Variants in GDAP2 observed in about 807,000 individuals in gnomAD.
GDAP2 encodes ganglioside induced differentiation associated protein 2.
Under a neutral mutation model 67.0 loss-of-function variants are expected in GDAP2, and 51 were observed. The observed-to-expected ratio is 0.76, with a 90% confidence interval of 0.61 to 0.96. The LOEUF is 0.96. Ranked by LOEUF, GDAP2 falls within the 40% of genes least tolerant of loss-of-function variation. GDAP2 has a pLI of 0.00. For synonymous variants in GDAP2, 203 were observed against 207.3 expected (o/e 0.98, Z 0.18); for missense variants, 547 against 588.3 (o/e 0.93, Z 0.73).
chr1:117,878,818 G>C (rs1261445126), intron 12 of GDAP2, among the ~76,000 whole-genome samples: 1 of 152,124 alleles, frequency 6.6e-6, no homozygotes, highest in Admixed American at 6.5e-5. Flanking sequence ...GTAATGGCTT[G>C]AATTTAAAAA....
At chr1:117,887,250 A>G (rs944073291) in intron 9 of GDAP2, among the ~76,000 whole-genome samples, 8 of 152,118 alleles carry the variant, frequency 5.3e-5, no homozygotes, top group Non-Finnish European at 8.8e-5. Flanking sequence ...TTTTATAAAC[A>G]GCTTTTTGCT....
chr1:117,910,669 G>C (rs1649822196), intron 5 of GDAP2, among the ~76,000 whole-genome samples: 2 of 152,144 alleles, frequency 1.3e-5, no homozygotes, highest in Non-Finnish European at 2.9e-5. Flanking sequence ...AGATGATTTA[G>C]TATAGTTCGT....
Position 117,887,776 on chromosome 1 carries a change from T to A in GDAP2, c.954-2A>T. 2 of 1,500,932 alleles carry A rather than the reference T, an allele frequency of 1.3e-6. No individual in the cohort carries two copies. Among genetic ancestry groups the A allele is most frequent in the Non-Finnish European group, 1.9e-6 (2 of 1,078,590 alleles). The allele number at this position is 1,500,932 out of a possible 1,614,324, so 93.0% of individuals were successfully genotyped here. A position where few individuals can be genotyped will look rare whatever the true frequency, so the allele number is the denominator to read the frequency against. On this transcript the variant is annotated splice_acceptor_variant, in intron 8 of 13. Coordinates refer to ENST00000369443, the MANE Select transcript of GDAP2 (RefSeq NM_017686.4). LOFTEE classifies it high-confidence loss of function. ...GCTTGACATAACCAGCGATTATAAC[T>A]AGGGAAATAAATGATATAATCATTA... is the stretch of plus-strand genomic sequence containing the variant.
intron 8 of GDAP2, among the ~76,000 whole-genome samples, chr1:117,890,425 A>AT (rs1423418977): frequency 6.6e-6 from 1 of 152,000 alleles, no homozygotes; most frequent in African/African-American, 2.4e-5. Context: ...ATCTATATCT[A>AT]TATCTATCTA....
chr1:117,878,154 T>C lies in GDAP2; in HGVS notation c.1303-2A>G. On this transcript the variant is annotated splice_acceptor_variant, in intron 12 of 13. Transcript: ENST00000369443. LOFTEE classifies it high-confidence loss of function. ...GGTGGTAAAAAACCATGTTGACACC[T>C]GATTAATAGAAGAGAAAAAATAATT... 3 of 1,501,886 alleles carry C rather than the reference T, an allele frequency of 2.0e-6. No homozygotes were observed. Among genetic ancestry groups the C allele is most frequent in the Non-Finnish European group, 2.7e-6 (3 of 1,102,100 alleles). 93.0% of individuals were successfully genotyped at this position (1,501,886 alleles called of 1,614,324 possible). A position where few individuals can be genotyped will look rare whatever the true frequency, so the allele number is the denominator to read the frequency against.
chr1:117,901,489 C>T lies in GDAP2; in HGVS notation c.637-2273G>A, dbSNP rs376819252. Among the ~76,000 whole-genome samples, 42 of 152,274 alleles carry T rather than the reference C, an allele frequency of 2.8e-4. No homozygotes were observed. In the East Asian group the frequency reaches 3.7e-3, roughly 13 times the overall value. On this transcript the variant is annotated intron_variant, in intron 6 of 13. Coordinates refer to ENST00000369443, the MANE Select transcript of GDAP2 (RefSeq NM_017686.4). The stretch of plus-strand genomic sequence containing the variant: ...CCATTTTTACATTCCAATTAACTAT[C>T]TACGAGGGTTCCAATTTCTCCACAT...
In GDAP2 at chr1:117,918,663, G is replaced by T. The variant is rs1570994389; in HGVS notation, c.250C>A (p.Pro84Thr). 2.5e-6 allele frequency: 4 copies of T among 1,599,938 alleles called. No homozygotes were observed. The East Asian group carries it at 8.9e-5, about 36-fold the overall frequency. Reference protein sequence around the residue: ...TSNESLTDKNPVSESIFMLAG... With the variant: ...TSNESLTDKNTVSESIFMLAG... ...AGCATGAAGATACTTTCTGACACAG[G>T]ATTCTTATCTGTGAGACTTTCATTG... The change falls in exon 3 of 14, where the codon CCT (proline) becomes ACT (threonine). Residue 84 changes from proline to threonine, a missense_variant. Coordinates refer to ENST00000369443, the MANE Select transcript of GDAP2 (RefSeq NM_017686.4).
At chr1:117,886,813 G>A (rs990495470) in intron 9 of GDAP2, among the ~76,000 whole-genome samples, 160 bp from the exon 10 acceptor site, 8 of 116,780 alleles carry the variant, frequency 6.9e-5, no homozygotes, top group Non-Finnish European at 1.3e-4. Flanking sequence ...TTTCTACTCT[G>A]CAGACAACAC....
intron 5 of GDAP2, among the ~76,000 whole-genome samples, chr1:117,910,157 T>A (rs1475887100): frequency 6.6e-6 from 1 of 152,232 alleles, no homozygotes; most frequent in East Asian, 1.9e-4. Flanking sequence ...TAATGAATCA[T>A]CTAGTATAAC....
rs1648137248 is a variant in GDAP2 at position 117,868,114 on chromosome 1, T to C, written c.*2455A>G. The C allele has an allele frequency of 6.6e-6, 1 of 152,228 alleles. No individual in the cohort carries two copies. The highest frequency in any genetic ancestry group is 1.5e-5 in the Non-Finnish European group (1 of 68,046). 9.4% of individuals were successfully genotyped at this position (152,228 alleles called of 1,614,324 possible). ...CTCTAATATGTCCTTGAAAATGGCA[T>C]GTATTATTCAGGCTAAACCTTTTCA... On this transcript the variant is annotated 3_prime_UTR_variant, in exon 14 of 14. Coordinates refer to ENST00000369443, the MANE Select transcript of GDAP2 (RefSeq NM_017686.4).
At chr1:117,897,049 G>C (rs1056750485) in intron 7 of GDAP2, 60 bp from the exon 8 acceptor site, 8 of 1,214,958 alleles carry the variant, frequency 6.6e-6, no homozygotes, top group Non-Finnish European at 9.3e-6. Flanking sequence ...AGTAAACATT[G>C]TGAATGCTGC....
At chr1:117,876,317 T>C (rs80002960) in intron 13 of GDAP2, among the ~76,000 whole-genome samples, 2,076 of 152,222 alleles carry the variant, frequency 0.014, 37 homozygotes, top group South Asian at 0.094. Context: ...TCCCTGCACA[T>C]ACTGGTTTCC....
chr1:117,879,932 C>T (rs1648593516), intron 12 of GDAP2, among the ~76,000 whole-genome samples: 1 of 152,178 alleles, frequency 6.6e-6, no homozygotes, highest in African/African-American at 2.4e-5. Context: ...AATCCCAGCA[C>T]TTTGGGAGGC....
chr1:117,867,316 C>T lies in GDAP2; in HGVS notation c.*3253G>A, dbSNP rs1648104302. 2 of 152,024 alleles carry T rather than the reference C, an allele frequency of 1.3e-5. No homozygotes were observed. Among genetic ancestry groups the T allele is most frequent in the Admixed American group, 1.3e-4 (2 of 15,246 alleles). 9.4% of individuals were successfully genotyped at this position (152,024 alleles called of 1,614,324 possible). ...TTTCAGAAATTTGATTAAAAAACTA[C>T]ATCTATTTTTCCTACCAAAAATACT... On this transcript the variant is annotated 3_prime_UTR_variant, in exon 14 of 14. Coordinates refer to ENST00000369443, the MANE Select transcript of GDAP2 (RefSeq NM_017686.4).
Position 117,865,480 on chromosome 1 carries a change from C to T in GDAP2, c.*5089G>A, listed in dbSNP as rs764350941. 1 of 152,010 alleles carries T rather than the reference C, an allele frequency of 6.6e-6. No individual in the cohort carries two copies. Among genetic ancestry groups the T allele is most frequent in the Non-Finnish European group, 1.5e-5 (1 of 68,008 alleles). The allele number at this position is 152,010 out of a possible 1,614,324, so 9.4% of individuals were successfully genotyped here. On this transcript the variant is annotated 3_prime_UTR_variant, in exon 14 of 14. Transcript: ENST00000369443. ...TTTTTAGGTTTCCTTCGCCCAATAC[C>T]AATTAAAATCATTTATATATGTTAA...
At position 117,866,733 on chromosome 1, in the gene GDAP2, A is replaced by T. The variant is rs994544479; in HGVS notation, c.*3836T>A. The T allele has an allele frequency of 4.6e-5, 7 of 151,980 alleles. No homozygotes were observed. The highest frequency in any genetic ancestry group is 8.8e-5 in the Non-Finnish European group (6 of 68,036). 9.4% of individuals were successfully genotyped at this position (151,980 alleles called of 1,614,324 possible). A position where few individuals can be genotyped will look rare whatever the true frequency, so the allele number is the denominator to read the frequency against. On this transcript the variant is annotated 3_prime_UTR_variant, in exon 14 of 14. Coordinates refer to ENST00000369443, the MANE Select transcript of GDAP2 (RefSeq NM_017686.4). ...GCCGGGCATGGTGGTGCATGTCTAT[A>T]ATCTCACTTACTGGGGAGGCTGAGA... is the stretch of plus-strand genomic sequence containing the variant.
At position 117,865,251 on chromosome 1, in the gene GDAP2, T is replaced by C. The variant is rs1201853630; in HGVS notation, c.*5318A>G. ...AGACCTCATGTAAATGGTCAAAAAA[T>C]AATGTCCCATCCTGGGGTTCAATAT... is the stretch of plus-strand genomic sequence containing the variant. On this transcript the variant is annotated 3_prime_UTR_variant, in exon 14 of 14. Transcript: ENST00000369443. 6.6e-6 allele frequency: 1 copy of C among 152,208 alleles called. No individual in the cohort carries two copies. The highest frequency in any genetic ancestry group is 1.5e-5 in the Non-Finnish European group (1 of 68,042). The allele number at this position is 152,208 out of a possible 1,614,324, so 9.4% of individuals were successfully genotyped here. A position where few individuals can be genotyped will look rare whatever the true frequency, so the allele number is the denominator to read the frequency against.
chr1:117,929,289 A>C (rs1214657282), intron 1 of GDAP2, among the ~76,000 whole-genome samples, 159 bp downstream of exon 1: 1 of 152,124 alleles, frequency 6.6e-6, no homozygotes, highest in Non-Finnish European at 1.5e-5. Context: ...GAACCTAACC[A>C]ACATGCGAGG....
At chr1:117,920,787 A>T (rs973721112) in intron 1 of GDAP2, among the ~76,000 whole-genome samples, 1 of 152,174 alleles carries the variant, frequency 6.6e-6, no homozygotes, top group Non-Finnish European at 1.5e-5. Context: ...AAGATAAACC[A>T]TATGTATAAT....
Sources: allele counts gnomAD v4.1 joint callset (sites outside exome capture counted in the v4.1 genomes callset), GRCh38; gene constraint gnomAD v4.1.1; transcripts MANE v1.5; gene names NCBI Gene and HGNC (gene_info 2026-07-23, HGNC 2026-07-21).